The following LEMD1 variants were observed in gnomAD, a reference collection of about 807,000 sequenced individuals.
The protein encoded by LEMD1 is LEM domain containing 1, also known as LEM domain-containing protein 1.
LEMD1 carries 18 observed loss-of-function variants against 17.4 expected under a neutral mutation model. The ratio of observed to expected loss-of-function variants is 1.04; its 90% CI spans 0.72 to 1.54. The LOEUF (loss-of-function observed/expected upper bound fraction) is 1.54. Ranked by LOEUF, LEMD1 falls within the 40% of genes most tolerant of loss-of-function variation. The probability of loss-of-function intolerance (pLI) is 0.00; values close to 1 mark genes in which losing one functional copy is unlikely to be tolerated. For synonymous variants in LEMD1, 88 were observed against 77.8 expected (o/e 1.13, Z -0.69); for missense variants, 195 against 210.4 (o/e 0.93, Z 0.45).
intron 1 of LEMD1, chr1:205,436,068 G>A (rs1248294518): frequency 2.0e-5 from 3 of 152,308 alleles, no homozygotes; most frequent in Non-Finnish European, 4.4e-5. Context: ...ACAGAGGCTG[G>A]GAGAGTCCTG....
In LEMD1 at chr1:205,387,881, C is replaced by T. The variant is rs576831489; in HGVS notation, c.271-3517G>A. On this transcript the variant is annotated intron_variant, in intron 4 of 5. Transcript: ENST00000367153. ...TGTCTCACTACAACACTAGCTAACA[C>T]GTATATGGCATTCCCTGTGCACCAG... 3.9e-5 allele frequency among the ~76,000 whole-genome samples: 6 copies of T among 152,314 alleles called. No homozygotes were observed. In the South Asian group the frequency reaches 6.2e-4, roughly 16 times the overall value.
chr1:205,391,524 G>A (rs1297723210), intron 4 of LEMD1, among the ~76,000 whole-genome samples: 12 of 152,188 alleles, frequency 7.9e-5, no homozygotes, highest in African/African-American at 4.8e-5. Flanking sequence ...CTGCCCTGTG[G>A]CAGCCAAACA....
intron 1 of LEMD1, among the ~76,000 whole-genome samples, chr1:205,447,317 A>G (rs1666409141): frequency 6.6e-6 from 1 of 152,228 alleles, no homozygotes; most frequent in Admixed American, 6.5e-5. Flanking sequence ...TGAGGCGGTT[A>G]GAATCATGGG....
intron 4 of LEMD1, chr1:205,386,909 T>C (rs192064337): frequency 2.4e-4 from 36 of 152,316 alleles, no homozygotes; most frequent in African/African-American, 8.4e-4. Flanking sequence ...AAATTCTTTT[T>C]TTACTTATGG....
intron 1 of LEMD1, chr1:205,435,974 C>A (rs781125947): frequency 6.6e-6 from 1 of 152,240 alleles, no homozygotes; most frequent in African/African-American, 2.4e-5. Context: ...AGGGCAGAAA[C>A]CAGCCTGGCC....
intron 4 of LEMD1, among the ~76,000 whole-genome samples, chr1:205,384,704 T>C (rs1269382100): frequency 1.3e-5 from 2 of 152,206 alleles, no homozygotes; most frequent in African/African-American, 4.8e-5. Flanking sequence ...TTTATGAGCA[T>C]GCATCATTTT....
chr1:205,449,641 C>A (rs1480418687), intron 1 of LEMD1, among the ~76,000 whole-genome samples: 1 of 152,146 alleles, frequency 6.6e-6, no homozygotes, highest in Non-Finnish European at 1.5e-5. Context: ...TCCAGACATG[C>A]CCAACCTTCA....
At chr1:205,398,223 T>C (rs1240860060) in intron 4 of LEMD1, among the ~76,000 whole-genome samples, 1 of 152,220 alleles carries the variant, frequency 6.6e-6, no homozygotes, top group East Asian at 1.9e-4. Flanking sequence ...CCAACTTGAA[T>C]ATACAACTAC....
intron 1 of LEMD1, chr1:205,435,324 G>A (rs1405494679): frequency 6.6e-6 from 1 of 152,312 alleles, no homozygotes; most frequent in African/African-American, 2.4e-5. Flanking sequence ...GACATAAGGA[G>A]AGGACTAGAA....
At chr1:205,426,190 C>T (rs1362521116), upstream of LEMD1, among the ~76,000 whole-genome samples, 1 of 152,226 alleles carries the variant, frequency 6.6e-6, no homozygotes, top group Admixed American at 6.5e-5. Context: ...GTCATGAAGG[C>T]AAATCTGACC....
intron 1 of LEMD1, among the ~76,000 whole-genome samples, chr1:205,445,046 T>C (rs1242799235): frequency 6.6e-6 from 1 of 152,144 alleles, no homozygotes; most frequent in Non-Finnish European, 1.5e-5. Flanking sequence ...CTTCCCTCCC[T>C]GAGCCATTCA....
intron 1 of LEMD1, among the ~76,000 whole-genome samples, chr1:205,438,522 T>A (rs181471778): frequency 6.6e-6 from 1 of 152,214 alleles, no homozygotes; most frequent in African/African-American, 2.4e-5. Context: ...GGCACAGGTG[T>A]CCAGACTGCT....
Position 205,446,623 on chromosome 1 carries a change from G to A in LEMD1, c.-39+3245C>T, listed in dbSNP as rs78383339. Among the ~76,000 whole-genome samples the A allele has an allele frequency of 7.3e-3, 1,109 of 152,326 alleles. 8 individuals are homozygous for A. The highest frequency in any genetic ancestry group is 0.026 in the African/African-American group (1,063 of 41,564). The stretch of plus-strand genomic sequence containing the variant: ...GGCATGGCTCTAACCTGGCTTTCCA[G>A]TTAGGAGATCAGGAGTTAAGGGAAG... On this transcript the variant is annotated intron_variant, in intron 1 of 3. Coordinates refer to the LEMD1 transcript ENST00000367154.
intron 4 of LEMD1, among the ~76,000 whole-genome samples, chr1:205,405,001 C>A (rs1574969784): frequency 6.6e-6 from 1 of 152,232 alleles, no homozygotes; most frequent in Admixed American, 6.5e-5. Context: ...GTTGAAAATT[C>A]TTTTCTTTAA....
At chr1:205,416,414 G>T (rs1665697773) in intron 3 of LEMD1, 118 bp from the exon 4 acceptor site, 1 of 676,984 alleles carries the variant, frequency 1.5e-6, no homozygotes, top group African/African-American at 1.8e-5. Flanking sequence ...GCAAGGGGAT[G>T]AAAATTCACG....
Position 205,448,206 on chromosome 1 carries a change from C to A in LEMD1, c.-39+1662G>T. 1 of 452,946 alleles carries A rather than the reference C, an allele frequency of 2.2e-6. No homozygotes were observed. Among genetic ancestry groups the A allele is most frequent in the Non-Finnish European group, 4.6e-6 (1 of 218,826 alleles). The allele number at this position is 452,946 out of a possible 1,614,324, so 28.1% of individuals were successfully genotyped here. A position where few individuals can be genotyped will look rare whatever the true frequency, so the allele number is the denominator to read the frequency against. On this transcript the variant is annotated intron_variant, in intron 1 of 3. Coordinates refer to the LEMD1 transcript ENST00000367154. The surrounding 1 kb of genome is among the most constrained non-coding windows in gnomAD (Gnocchi z 4.7). The stretch of plus-strand genomic sequence containing the variant: ...AGCCCCGATCCCAGGTTACCAGATC[C>A]CGTGATGCCCCACCCCCAAGCAAAG...
chr1:205,421,797 G>A (rs568482831), intron 1 of LEMD1, among the ~76,000 whole-genome samples, 193 bp downstream of exon 1: 15 of 152,190 alleles, frequency 9.9e-5, no homozygotes, highest in African/African-American at 3.4e-4. Context: ...CTTTTTTACT[G>A]GAAGCTTGCT....
upstream of LEMD1, among the ~76,000 whole-genome samples, chr1:205,425,880 T>C (rs1323495856): frequency 6.6e-6 from 1 of 152,184 alleles, no homozygotes; most frequent in East Asian, 1.9e-4. Context: ...TCCAAATTAG[T>C]AAATTCTTTT....
chr1:205,443,592 G>C (rs1666333206), intron 1 of LEMD1, among the ~76,000 whole-genome samples: 1 of 152,124 alleles, frequency 6.6e-6, no homozygotes, highest in African/African-American at 2.4e-5. Flanking sequence ...TGGGATTCCT[G>C]GGTCCTTGTA....
Sources: gnomAD v4.1 joint callset for allele counts (sites outside exome capture counted in the v4.1 genomes callset) on GRCh38, gnomAD v4.1.1 for gene constraint, Gnocchi (gnomAD v3.1) non-coding constraint, MANE v1.5 for transcripts, NCBI Gene and HGNC (gene_info 2026-07-23, HGNC 2026-07-21) for gene names.